Variants in PCDHA4 observed in about 807,000 individuals in gnomAD.
PCDHA4 encodes the protein protocadherin alpha-4.
A neutral mutation model predicts 61.4 loss-of-function variants in PCDHA4; 49 were observed. The observed-to-expected ratio is 0.80, with a 90% CI of 0.63 to 1.01. The LOEUF (loss-of-function observed/expected upper bound fraction) is 1.01. Among genes scored for constraint, PCDHA4 ranks in the 50% least tolerant of loss-of-function variants. The probability of loss-of-function intolerance (pLI) is 0.00; values close to 1 mark genes in which losing one functional copy is unlikely to be tolerated. For missense variants in PCDHA4, 1,254 were observed against 1,235.8 expected (o/e 1.01, Z -0.22); for synonymous variants, 590 against 550.3 (o/e 1.07, Z -1.01).
At chr5:140,966,767 A>T in intron 1 of PCDHA4, 1 of 1,484,362 alleles carries the variant, frequency 6.7e-7, no homozygotes, top group South Asian at 1.3e-5. Context: ...GCCAGTGGCT[A>T]TGGAGCAGGC....
At chr5:140,829,077 C>T in intron 1 of PCDHA4, 2 of 1,611,602 alleles carry the variant, frequency 1.2e-6, no homozygotes, top group Non-Finnish European at 1.7e-6. Context: ...GGCCATCCTC[C>T]CATGGCGGGT....
chr5:140,843,262 G>T (rs2150356218), intron 1 of PCDHA4: 4 of 1,596,090 alleles, frequency 2.5e-6, no homozygotes, highest in Admixed American at 1.7e-5. Flanking sequence ...GCCACCGTCT[G>T]CTGGTCCTGG....
chr5:140,927,907 G>T, intron 1 of PCDHA4: 1 of 1,614,156 alleles, frequency 6.2e-7, no homozygotes, highest in Non-Finnish European at 8.5e-7. Context: ...TCATGCCCCC[G>T]AACTGGACTT....
chr5:140,941,548 C>CTCG (rs1175641247), intron 1 of PCDHA4, among the ~76,000 whole-genome samples: 1 of 151,868 alleles, frequency 6.6e-6, no homozygotes, highest in Non-Finnish European at 1.5e-5. Context: ...AACTCCTGAC[C>CTCG]TCGTGATCCA....
chr5:141,004,604 C>A (rs1282201587), intron 3 of PCDHA4, among the ~76,000 whole-genome samples: 1 of 152,176 alleles, frequency 6.6e-6, no homozygotes, highest in African/African-American at 2.4e-5. Context: ...GTGCTTAGGC[C>A]TCATGCAGAG....
chr5:140,973,105 G>C (rs1166565820), intron 1 of PCDHA4, among the ~76,000 whole-genome samples: 1 of 152,180 alleles, frequency 6.6e-6, no homozygotes, highest in Non-Finnish European at 1.5e-5. Flanking sequence ...AATTATGAAA[G>C]AGTAGCAGAG....
At position 140,849,641 on chromosome 5, in the gene PCDHA4, C is replaced by A. The variant is rs2150443548; in HGVS notation, c.2385+40069C>A. 5 of 1,598,742 alleles carry A rather than the reference C, an allele frequency of 3.1e-6. 2 individuals are homozygous for A. Among genetic ancestry groups the A allele is most frequent in the Non-Finnish European group, 2.6e-6 (3 of 1,167,966 alleles). ...TGATCGACCTAGACGCAGATGCCAA[C>A]GGGCAGGTTACCTGCTCCCTGACGC... On this transcript the variant is annotated intron_variant, in intron 1 of 3. Coordinates refer to ENST00000530339, the MANE Select transcript of PCDHA4 (RefSeq NM_018907.4).
rs527332783 is a variant in PCDHA4, at chr5:140,855,952, A to G, written c.2385+46380A>G. Reference sequence around the variant, plus strand: ...TCATTCTGAGATCTCAGCCATTTCGATAAAAAATAGATATAAGAAATAGGA... The same window carrying G: ...TCATTCTGAGATCTCAGCCATTTCGGTAAAAAATAGATATAAGAAATAGGA... On this transcript the variant is annotated intron_variant, in intron 1 of 3. Transcript: ENST00000530339. The G allele has an allele frequency of 2.9e-6, 4 of 1,380,786 alleles. No individual in the cohort carries two copies. The African/African-American group carries it at 5.8e-5, about 20-fold the overall frequency. The allele number at this position is 1,380,786 out of a possible 1,614,324, so 85.5% of individuals were successfully genotyped here.
At chr5:140,961,347 T>TTGAGAGACCAA (rs2095606709) in intron 1 of PCDHA4, among the ~76,000 whole-genome samples, 1 of 152,216 alleles carries the variant, frequency 6.6e-6, no homozygotes, top group South Asian at 2.1e-4. Flanking sequence ...AGTGGATCCC[T>TTGAGAGACCAA]GTAGTCCCCA....
At chr5:140,917,370 C>T (rs571895312) in intron 1 of PCDHA4, among the ~76,000 whole-genome samples, 1 of 150,338 alleles carries the variant, frequency 6.7e-6, no homozygotes, top group Non-Finnish European at 1.5e-5. Context: ...CTATCTTGCT[C>T]CACCTCAATA....
At chr5:140,983,865 GC>G (rs2097073239) in intron 3 of PCDHA4, among the ~76,000 whole-genome samples, 1 of 152,120 alleles carries the variant, frequency 6.6e-6, no homozygotes, top group Admixed American at 6.5e-5. Context: ...GCAGCTAAGG[GC>G]CCATTTTTAC....
chr5:140,857,855 A>T, intron 1 of PCDHA4: 1 of 1,597,468 alleles, frequency 6.3e-7, no homozygotes, highest in Non-Finnish European at 8.6e-7. Context: ...CTCTGGATAC[A>T]ACGCGTGGCT....
At position 140,858,391 on chromosome 5, in the gene PCDHA4, T is replaced by G. The variant is rs1214576702; in HGVS notation, c.2385+48819T>G. ...GCCTTCCACCATGCCCAATGGTAGA[T>G]GTGGACGGGGAAGATCAGTCTATTG... On this transcript the variant is annotated intron_variant, in intron 1 of 3. Transcript: ENST00000530339. 2.5e-6 allele frequency: 4 copies of G among 1,577,710 alleles called. 1 individual carries two copies. The highest frequency in any genetic ancestry group is 3.5e-6 in the Non-Finnish European group (4 of 1,154,364).
intron 1 of PCDHA4, chr5:140,968,379 A>C: frequency 6.2e-7 from 1 of 1,614,034 alleles, no homozygotes; most frequent in Non-Finnish European, 8.5e-7. Context: ...AACTCCTTTG[A>C]CTATGAGAAG....
chr5:140,931,136 C>T (rs2087318079), intron 1 of PCDHA4, among the ~76,000 whole-genome samples: 1 of 152,166 alleles, frequency 6.6e-6, no homozygotes, highest in African/African-American at 2.4e-5. Context: ...GTGATATTTG[C>T]AGTGGATACT....
At position 140,851,264 on chromosome 5, in the gene PCDHA4, A is replaced by G. The variant is rs1170850164; in HGVS notation, c.2385+41692A>G. The G allele has an allele frequency of 2.1e-5, 23 of 1,075,328 alleles. 1 individual carries two copies. The highest frequency in any genetic ancestry group is 4.3e-5 in the East Asian group (1 of 23,212). 66.6% of individuals were successfully genotyped at this position (1,075,328 alleles called of 1,614,324 possible). ...TAAATGATGCATAGTATTTTAGTCT[A>G]CTTGTATTGTTTATAAGAAACCCAA... On this transcript the variant is annotated intron_variant, in intron 1 of 3. Coordinates refer to ENST00000530339, the MANE Select transcript of PCDHA4 (RefSeq NM_018907.4).
At chr5:140,924,572 A>G (rs1345446158) in intron 1 of PCDHA4, among the ~76,000 whole-genome samples, 1 of 152,132 alleles carries the variant, frequency 6.6e-6, no homozygotes, top group African/African-American at 2.4e-5. Flanking sequence ...CAATTTTTAA[A>G]TGTTTTCAAA....
rs2150412128 is a variant in PCDHA4 at position 140,848,533 on chromosome 5, C to T, written c.2385+38961C>T. 6.3e-6 allele frequency: 10 copies of T among 1,594,958 alleles called. No homozygotes were observed. In the East Asian group the frequency reaches 1.8e-4, roughly 28 times the overall value. On this transcript the variant is annotated intron_variant, in intron 1 of 3. Transcript: ENST00000530339. ...AGTCGAGGAGATCCAGAGGGTCAGC[C>T]TCTACTGCTCTCGCTTCTGATCCTC...
Position 141,010,391 on chromosome 5 carries a change from C to T in PCDHA4, c.*454C>T, listed in dbSNP as rs976643195. The T allele has an allele frequency of 2.2e-5, 30 of 1,386,642 alleles. No homozygotes were observed. Among genetic ancestry groups the T allele is most frequent in the South Asian group, 2.9e-5 (2 of 68,924 alleles). The allele number at this position is 1,386,642 out of a possible 1,614,324, so 85.9% of individuals were successfully genotyped here. A position where few individuals can be genotyped will look rare whatever the true frequency, so the allele number is the denominator to read the frequency against. The stretch of plus-strand genomic sequence containing the variant: ...TGCGAGTGCCAGATATTGGCTGAGA[C>T]GAGCCAGCTTAGACTAATTGGTACA... On this transcript the variant is annotated 3_prime_UTR_variant, in exon 4 of 4. Transcript: ENST00000530339.
Sources: allele counts gnomAD v4.1 joint callset (sites outside exome capture counted in the v4.1 genomes callset), GRCh38; gene constraint gnomAD v4.1.1; transcripts MANE v1.5; gene names NCBI Gene and HGNC (gene_info 2026-07-23, HGNC 2026-07-21).